The following FIGN variants were observed in gnomAD, a reference collection of about 807,000 sequenced individuals.
FIGN encodes the protein fidgetin, microtubule severing factor.
A neutral mutation model predicts 51.3 loss-of-function variants in FIGN; 11 were observed. The ratio of observed to expected loss-of-function variants is 0.21; its 90% CI spans 0.13 to 0.35. The LOEUF (loss-of-function observed/expected upper bound fraction) is 0.35, where lower values mean the gene tolerates loss of function less well. Among genes scored for constraint, FIGN ranks in the 10% least tolerant of loss-of-function variants. The pLI is 1.00. For missense variants in FIGN, 857 were observed against 943.6 expected, an observed-to-expected ratio of 0.91 and a Z score of 1.20; for synonymous variants, 407 against 363.2, an observed-to-expected ratio of 1.12 and a Z score of -1.37.
intron 2 of FIGN, among the ~76,000 whole-genome samples, chr2:163,615,929 GT>G (rs1682868628): frequency 1.3e-5 from 2 of 152,098 alleles, no homozygotes; most frequent in Non-Finnish European, 2.9e-5. Context: ...CATGCAACGT[GT>G]TTTTTGAAAA....
intron 2 of FIGN, among the ~76,000 whole-genome samples, chr2:163,730,348 C>T (rs1347123288): frequency 6.6e-6 from 1 of 151,982 alleles, no homozygotes; most frequent in Admixed American, 6.6e-5. Flanking sequence ...AAAGTTAATG[C>T]TAAAAATTCA....
At chr2:163,694,648 G>A (rs1218175855) in intron 2 of FIGN, among the ~76,000 whole-genome samples, 1 of 152,146 alleles carries the variant, frequency 6.6e-6, no homozygotes, top group East Asian at 1.9e-4. Context: ...ACTGGGACAA[G>A]ATCATATAGC....
At chr2:163,625,953 T>C (rs1683047670) in intron 2 of FIGN, among the ~76,000 whole-genome samples, 1 of 152,162 alleles carries the variant, frequency 6.6e-6, no homozygotes, top group South Asian at 2.1e-4. Context: ...CAAGAATTTA[T>C]ACCCATTCAT....
intron 2 of FIGN, among the ~76,000 whole-genome samples, chr2:163,659,972 C>G (rs1383996588): frequency 2.0e-5 from 3 of 152,008 alleles, no homozygotes; most frequent in Middle Eastern, 6.3e-3. Context: ...CATGGTGGCA[C>G]AAGCCTGTAA....
chr2:163,642,104 T>A (rs1683314716), intron 2 of FIGN, among the ~76,000 whole-genome samples: 1 of 152,246 alleles, frequency 6.6e-6, no homozygotes, highest in Non-Finnish European at 1.5e-5. Flanking sequence ...TATAGGACAT[T>A]CTGGCTTCAA....
intron 2 of FIGN, among the ~76,000 whole-genome samples, chr2:163,716,094 A>G (rs1341831064): frequency 6.6e-6 from 1 of 152,194 alleles, no homozygotes; most frequent in Non-Finnish European, 1.5e-5. Flanking sequence ...AAACCACTTA[A>G]ACTATAGTTG....
At chr2:163,619,115 A>AT (rs1682927922) in intron 2 of FIGN, among the ~76,000 whole-genome samples, 2 of 152,016 alleles carry the variant, frequency 1.3e-5, no homozygotes, top group South Asian at 2.1e-4. Flanking sequence ...GTCAGATATT[A>AT]TTTTTTGCTA....
chr2:163,645,872 G>A (rs894135545), intron 2 of FIGN, among the ~76,000 whole-genome samples: 1 of 152,134 alleles, frequency 6.6e-6, no homozygotes, highest in Non-Finnish European at 1.5e-5. Context: ...GGGGACAAAG[G>A]TTCCTTCTAC....
At chr2:163,734,032 C>T (rs570017902) in intron 2 of FIGN, among the ~76,000 whole-genome samples, 8 of 150,916 alleles carry the variant, frequency 5.3e-5, no homozygotes, top group Middle Eastern at 3.4e-3. Context: ...GTTGTTCCCT[C>T]TGTCTTAATT....
chr2:163,729,972 C>T (rs1395923759), intron 2 of FIGN, among the ~76,000 whole-genome samples: 2 of 152,168 alleles, frequency 1.3e-5, no homozygotes, highest in African/African-American at 4.8e-5. Flanking sequence ...TATGATATCT[C>T]ATGTTTTGAT....
rs561706891 is a variant in FIGN at position 163,720,407 on chromosome 2, T to C, written c.25+14496A>G. 4.2e-4 allele frequency among the ~76,000 whole-genome samples: 64 copies of C among 152,320 alleles called. 1 individual carries two copies. In the South Asian group the frequency reaches 9.9e-3, roughly 24 times the overall value. On this transcript the variant is annotated intron_variant, in intron 2 of 2. Transcript: ENST00000333129. ...TATCATGATAGCAAATTTTAAATGG[T>C]TTATTTGTGATTAGTTTCTATTCTA...
chr2:163,614,689 C>T (rs762320206), intron 2 of FIGN, among the ~76,000 whole-genome samples: 12 of 152,152 alleles, frequency 7.9e-5, no homozygotes, highest in South Asian at 2.1e-4. Context: ...CACATACGTA[C>T]GCACACATAA....
chr2:163,697,404 G>T (rs1160794584), intron 2 of FIGN, among the ~76,000 whole-genome samples: 2 of 152,092 alleles, frequency 1.3e-5, no homozygotes, highest in South Asian at 2.1e-4. Context: ...CCCAGCCTCT[G>T]TGTCATGATT....
At chr2:163,724,180 C>T (rs1264839496) in intron 2 of FIGN, among the ~76,000 whole-genome samples, 2 of 152,130 alleles carry the variant, frequency 1.3e-5, no homozygotes, top group South Asian at 2.1e-4. Context: ...AAATGATCTT[C>T]GACTGTGGGC....
intron 2 of FIGN, among the ~76,000 whole-genome samples, chr2:163,706,451 T>C (rs1684501083): frequency 6.6e-6 from 1 of 152,138 alleles, no homozygotes; most frequent in Non-Finnish European, 1.5e-5. Flanking sequence ...TCAAATATTG[T>C]ATATTAAATG....
chr2:163,697,583 C>G (rs1362942843), intron 2 of FIGN, among the ~76,000 whole-genome samples: 1 of 152,156 alleles, frequency 6.6e-6, no homozygotes, highest in Non-Finnish European at 1.5e-5. Context: ...TCCCTGCTTT[C>G]TGCAGCCCAA....
chr2:163,714,677 C>A (rs993355668), intron 2 of FIGN, among the ~76,000 whole-genome samples: 2 of 152,196 alleles, frequency 1.3e-5, no homozygotes, highest in Non-Finnish European at 2.9e-5. Context: ...CATCTTCCAA[C>A]TTTGGCAATC....
chr2:163,647,753 CT>C (rs1392513574), intron 2 of FIGN, among the ~76,000 whole-genome samples: 1 of 152,124 alleles, frequency 6.6e-6, no homozygotes, highest in Non-Finnish European at 1.5e-5. Context: ...TTTGAATCAT[CT>C]TTTTTGATCG....
chr2:163,637,058 G>A (rs1020192689), intron 2 of FIGN, among the ~76,000 whole-genome samples: 1 of 152,040 alleles, frequency 6.6e-6, no homozygotes, highest in Non-Finnish European at 1.5e-5. Flanking sequence ...CAGCCTGGGC[G>A]ACACAGTGAG....
Sources: gnomAD v4.1 joint callset for allele counts (sites outside exome capture counted in the v4.1 genomes callset) on GRCh38, gnomAD v4.1.1 for gene constraint, MANE v1.5 for transcripts, NCBI Gene and HGNC (gene_info 2026-07-23, HGNC 2026-07-21) for gene names.